CCDC7: variants seen among roughly 807,000 people sequenced by gnomAD.
The protein encoded by CCDC7 is coiled-coil domain-containing protein 7.
In CCDC7, 183 loss-of-function variants were observed where a neutral mutation model predicts 196.9. That is an observed-to-expected ratio of 0.93 (90% confidence interval 0.82 to 1.05). CCDC7 has a LOEUF of 1.05. Among genes scored for constraint, CCDC7 ranks in the 50% least tolerant of loss-of-function variants. The pLI is 0.00. For missense variants in CCDC7, 1,540 were observed against 1,482.2 expected (o/e 1.04, Z -0.64); for synonymous variants, 525 against 484.6 (o/e 1.08, Z -1.10).
At chr10:32,524,609 T>A (rs2048378467) in intron 11 of CCDC7, among the ~76,000 whole-genome samples, 1 of 152,204 alleles carries the variant, frequency 6.6e-6, no homozygotes, top group Non-Finnish European at 1.5e-5. Flanking sequence ...TGGAAAGGTC[T>A]TTATTTCTCT....
intron 11 of CCDC7, among the ~76,000 whole-genome samples, chr10:32,527,710 G>A (rs902859305): frequency 2.0e-5 from 3 of 152,188 alleles, no homozygotes; most frequent in African/African-American, 7.2e-5. Flanking sequence ...AACTGTGGAA[G>A]TAATTGTTAT....
intron 18 of CCDC7, among the ~76,000 whole-genome samples, chr10:32,625,496 G>T (rs2063922814): frequency 6.6e-6 from 1 of 151,446 alleles, no homozygotes; most frequent in Admixed American, 6.6e-5. Flanking sequence ...TTATTATGGG[G>T]TATAAAGCAA....
At chr10:32,872,572 C>G (rs950289405) in intron 41 of CCDC7, among the ~76,000 whole-genome samples, 2 of 151,970 alleles carry the variant, frequency 1.3e-5, no homozygotes, top group Non-Finnish European at 2.9e-5. Flanking sequence ...TGAATTTGAT[C>G]CTGTCATTAT....
At chr10:32,707,438 C>G (rs1410966465) in intron 24 of CCDC7, among the ~76,000 whole-genome samples, 1 of 152,124 alleles carries the variant, frequency 6.6e-6, no homozygotes, top group Admixed American at 6.6e-5. Flanking sequence ...TCTCACCACG[C>G]CTATTCAACA....
intron 13 of CCDC7, among the ~76,000 whole-genome samples, chr10:32,544,768 T>G (rs2052133625): frequency 6.6e-6 from 1 of 152,116 alleles, no homozygotes; most frequent in Admixed American, 6.5e-5. Flanking sequence ...AAAAACTTCT[T>G]CAGAAATTGT....
intron 9 of CCDC7, among the ~76,000 whole-genome samples, chr10:32,497,965 G>T (rs186902340): frequency 6.6e-6 from 1 of 152,004 alleles, no homozygotes; most frequent in East Asian, 1.9e-4. Context: ...TTTCTGTCTC[G>T]TTGATTTGTC....
At chr10:32,610,029 A>AGTGTGTGTGT (rs113353807) in intron 18 of CCDC7, among the ~76,000 whole-genome samples, 149 of 146,422 alleles carry the variant, frequency 1.0e-3, no homozygotes, top group African/African-American at 3.1e-3. Flanking sequence ...TGTATGTATG[A>AGTGTGTGTGT]GTGTGTGTGT....
rs1589669377 is a variant in CCDC7, at chr10:32,539,791, G to C, written c.994-3509G>C. On this transcript the variant is annotated intron_variant, in intron 11 of 41. Coordinates refer to ENST00000639629, the Ensembl canonical transcript of CCDC7. ...TTTACCCAAATGTCATTCAGGAGGA[G>C]GTTGTTTAATTTCCGCATAATTGTA... Among the ~76,000 whole-genome samples the C allele has an allele frequency of 6.5e-5, 9 of 139,296 alleles. No homozygotes were observed. The South Asian group carries it at 1.7e-3, about 26-fold the overall frequency. 91.4% of individuals were successfully genotyped at this position (139,296 alleles called of 152,430 possible). A position where few individuals can be genotyped will look rare whatever the true frequency, so the allele number is the denominator to read the frequency against.
chr10:32,706,816 A>G (rs2079851982), intron 24 of CCDC7, among the ~76,000 whole-genome samples: 1 of 152,222 alleles, frequency 6.6e-6, no homozygotes, highest in Non-Finnish European at 1.5e-5. Context: ...TCTGAAATAG[A>G]GGCAATAATT....
chr10:32,659,345 A>C (rs890477208), intron 20 of CCDC7, among the ~76,000 whole-genome samples: 5 of 152,090 alleles, frequency 3.3e-5, no homozygotes, highest in Admixed American at 6.5e-5. Context: ...TTTTCTGAAA[A>C]ATTTCCTGTG....
intron 21 of CCDC7, among the ~76,000 whole-genome samples, chr10:32,668,440 C>G (rs1462047970): frequency 1.3e-5 from 2 of 152,054 alleles, no homozygotes; most frequent in East Asian, 1.9e-4. Flanking sequence ...GCATCCCTGT[C>G]TTGTGCCAGT....
At chr10:32,556,255 G>A (rs60308529) in intron 13 of CCDC7, among the ~76,000 whole-genome samples, 6,959 of 151,902 alleles carry the variant, frequency 0.046, 535 homozygotes, top group African/African-American at 0.16. Context: ...ATCTTTATTC[G>A]TTAGAATATA....
At chr10:32,805,015 A>G in exon 30 of CCDC7, 1 of 1,590,226 alleles carries the variant, frequency 6.3e-7, no homozygotes, top group South Asian at 1.1e-5. Context: ...ATTTCTATAG[A>G]GACTGATATA....
At chr10:32,622,654 A>G (rs1239019981) in intron 18 of CCDC7, among the ~76,000 whole-genome samples, 1 of 152,046 alleles carries the variant, frequency 6.6e-6, no homozygotes, top group African/African-American at 2.4e-5. Context: ...TATGTATTGC[A>G]GGATGTTTAA....
At chr10:32,632,836 A>G (rs928319073) in intron 18 of CCDC7, among the ~76,000 whole-genome samples, 54 of 152,152 alleles carry the variant, frequency 3.5e-4, no homozygotes, top group Non-Finnish European at 2.9e-5. Context: ...TAAATTTCTC[A>G]AGGCTTGATT....
In CCDC7 at chr10:32,456,458, G is replaced by T. The variant is rs2034373021; in HGVS notation, c.456+124G>T. On this transcript the variant is annotated intron_variant, in intron 3 of 41. Coordinates refer to ENST00000639629, the Ensembl canonical transcript of CCDC7. ...TCAGTGTCTTAAGAAATTATAAATG[G>T]CATTGGAAAACATTATTTATTTATT... is the stretch of plus-strand genomic sequence containing the variant. 7.2e-6 allele frequency: 5 copies of T among 699,206 alleles called. No homozygotes were observed. The East Asian group carries it at 1.7e-4, about 24-fold the overall frequency. The allele number at this position is 699,206 out of a possible 1,614,324, so 43.3% of individuals were successfully genotyped here.
At chr10:32,563,229 G>A (rs1245817674) in intron 13 of CCDC7, among the ~76,000 whole-genome samples, 1 of 152,042 alleles carries the variant, frequency 6.6e-6, no homozygotes, top group East Asian at 1.9e-4. Flanking sequence ...ACTGCCCAAG[G>A]TAATTTATAG....
At chr10:32,649,982 G>A (rs905153005) in intron 20 of CCDC7, among the ~76,000 whole-genome samples, 5 of 152,132 alleles carry the variant, frequency 3.3e-5, no homozygotes, top group African/African-American at 9.7e-5. Flanking sequence ...CTTCTTTGCC[G>A]TCAAGATTCT....
At chr10:32,659,955 C>T (rs2070899664) in intron 20 of CCDC7, among the ~76,000 whole-genome samples, 1 of 152,050 alleles carries the variant, frequency 6.6e-6, no homozygotes, top group African/African-American at 2.4e-5. Context: ...AGCATTTAGC[C>T]CAGCAATCCC....
Sources: gnomAD v4.1 joint callset for allele counts (sites outside exome capture counted in the v4.1 genomes callset) on GRCh38, gnomAD v4.1.1 for gene constraint, MANE v1.5 for transcripts, NCBI Gene and HGNC (gene_info 2026-07-23, HGNC 2026-07-21) for gene names.